KCNG3: variants seen among roughly 807,000 people sequenced by gnomAD.
KCNG3 encodes the protein potassium voltage-gated channel modifier subfamily G member 3, also known as voltage-gated potassium channel regulatory subunit KCNG3.
Under a neutral mutation model 29.0 loss-of-function variants are expected in KCNG3, and 15 were observed. That is an observed-to-expected ratio of 0.52 (90% CI 0.35 to 0.80). The LOEUF (loss-of-function observed/expected upper bound fraction) is 0.80. Among genes scored for constraint, KCNG3 ranks in the 30% least tolerant of loss-of-function variants. KCNG3 has a pLI of 0.01. For synonymous variants in KCNG3, 322 were observed against 248.9 expected, an observed-to-expected ratio of 1.29 and a Z score of -2.76; for missense variants, 512 against 605.7, an observed-to-expected ratio of 0.85 and a Z score of 1.62.
the KCNG3 span, among the ~76,000 whole-genome samples, chr2:42,425,398 CAAAAAAAAAAA>C: frequency 2.4e-5 from 2 of 82,360 alleles, 1 homozygote; most frequent in Non-Finnish European, 4.9e-5. Context: ...GACTCCGTCT[CAAAAAAAAAAA>C]AAAAAAAAAT....
chr2:42,459,691 T>C (rs1000149556), intron 1 of KCNG3, among the ~76,000 whole-genome samples: 3 of 152,070 alleles, frequency 2.0e-5, no homozygotes, highest in African/African-American at 7.2e-5. Context: ...TGTAAGATGT[T>C]ATCGGCCGGG....
At chr2:42,487,405 C>T (rs1349533962) in intron 1 of KCNG3, among the ~76,000 whole-genome samples, 3 of 137,386 alleles carry the variant, frequency 2.2e-5, no homozygotes, top group Non-Finnish European at 4.6e-5. Context: ...AATGCAGTGG[C>T]GTGAGCTCAG....
At chr2:42,440,988 C>A (rs1438500664), downstream of KCNG3, among the ~76,000 whole-genome samples, 1 of 152,050 alleles carries the variant, frequency 6.6e-6, no homozygotes, top group African/African-American at 2.4e-5. Flanking sequence ...GGTACCAATA[C>A]AGATATTAAT....
chr2:42,459,873 G>A (rs1672972074), intron 1 of KCNG3, among the ~76,000 whole-genome samples: 1 of 152,016 alleles, frequency 6.6e-6, no homozygotes, highest in Non-Finnish European at 1.5e-5. Context: ...CTACTCGGGA[G>A]GCTGAGGCAG....
the KCNG3 span, among the ~76,000 whole-genome samples, chr2:42,420,969 C>A: frequency 6.6e-6 from 1 of 152,148 alleles, no homozygotes; most frequent in South Asian, 2.1e-4. Flanking sequence ...CATTGCTCAA[C>A]TGTATGTTGT....
chr2:42,478,495 T>G (rs7609170), intron 1 of KCNG3, among the ~76,000 whole-genome samples: 127,760 of 151,954 alleles, frequency 0.84, 53,803 homozygotes, highest in Middle Eastern at 0.94. Flanking sequence ...CCTCCCAAAG[T>G]GCTAGGATTA....
At chr2:42,402,358 A>G in the KCNG3 span, among the ~76,000 whole-genome samples, 1 of 152,048 alleles carries the variant, frequency 6.6e-6, no homozygotes, top group Admixed American at 6.6e-5. Flanking sequence ...TTTTCTGGAG[A>G]ACTCTGAATA....
the KCNG3 span, among the ~76,000 whole-genome samples, chr2:42,409,829 A>G: frequency 1.3e-5 from 2 of 151,980 alleles, no homozygotes; most frequent in East Asian, 3.9e-4. Flanking sequence ...TTCCCCAATA[A>G]TACTTATTTG....
the KCNG3 span, among the ~76,000 whole-genome samples, chr2:42,392,655 A>C: frequency 2.6e-5 from 4 of 152,242 alleles, no homozygotes; most frequent in South Asian, 8.3e-4. Flanking sequence ...GACTAAAATT[A>C]GGGCTTTATA....
the KCNG3 span, among the ~76,000 whole-genome samples, chr2:42,412,481 A>G: frequency 2.0e-5 from 3 of 152,232 alleles, no homozygotes; most frequent in African/African-American, 7.2e-5. Context: ...AAAAACAGAC[A>G]TCGATTTTTT....
the KCNG3 span, among the ~76,000 whole-genome samples, chr2:42,419,538 C>T: frequency 6.6e-6 from 1 of 151,846 alleles, no homozygotes; most frequent in African/African-American, 2.4e-5. Flanking sequence ...CACCTGTAAT[C>T]CACCACGCCC....
downstream of KCNG3, among the ~76,000 whole-genome samples, chr2:42,441,046 A>G (rs1249694136): frequency 6.6e-6 from 1 of 152,150 alleles, no homozygotes; most frequent in African/African-American, 2.4e-5. Flanking sequence ...GATGTCTGTA[A>G]GTATAGCTAA....
intron 1 of KCNG3, among the ~76,000 whole-genome samples, chr2:42,450,121 T>C (rs533052882): frequency 6.6e-6 from 1 of 152,220 alleles, no homozygotes; most frequent in Admixed American, 6.5e-5. Flanking sequence ...ACCAGAACAT[T>C]TTCTGTCTAA....
intron 1 of KCNG3, among the ~76,000 whole-genome samples, chr2:42,480,593 A>G (rs1673556939): frequency 1.3e-5 from 2 of 152,124 alleles, no homozygotes; most frequent in Admixed American, 1.3e-4. Flanking sequence ...TGGACACTAA[A>G]ATGTGAATGT....
At chr2:42,487,156 C>CA (rs1194994891) in intron 1 of KCNG3, among the ~76,000 whole-genome samples, 22,297 of 67,734 alleles carry the variant, frequency 0.33, 2,746 homozygotes, top group South Asian at 0.37. Flanking sequence ...GACTCTGTCT[C>CA]AAAAAAAAAA....
intron 1 of KCNG3, among the ~76,000 whole-genome samples, chr2:42,484,418 T>G (rs920503083): frequency 2.6e-5 from 4 of 152,078 alleles, no homozygotes; most frequent in African/African-American, 7.2e-5. Context: ...GCCGAGATCG[T>G]GCCACTGCAC....
At chr2:42,401,404 G>A in the KCNG3 span, among the ~76,000 whole-genome samples, 1 of 150,206 alleles carries the variant, frequency 6.7e-6, no homozygotes, top group Admixed American at 6.6e-5. Flanking sequence ...TATAATAGAT[G>A]AATTATATAG....
intron 1 of KCNG3, among the ~76,000 whole-genome samples, chr2:42,451,273 T>C (rs886179082): frequency 6.7e-6 from 1 of 150,374 alleles, no homozygotes. Flanking sequence ...AGGGTTTACA[T>C]TAGAATAGCA....
chr2:42,394,335 AG>A, the KCNG3 span, among the ~76,000 whole-genome samples: 3 of 152,208 alleles, frequency 2.0e-5, no homozygotes, highest in African/African-American at 7.2e-5. Flanking sequence ...AAACAGCCTA[AG>A]GGTGGATATC....
Sources: allele counts gnomAD v4.1 joint callset (sites outside exome capture counted in the v4.1 genomes callset), GRCh38; gene constraint gnomAD v4.1.1; transcripts MANE v1.5; gene names NCBI Gene and HGNC (gene_info 2026-07-23, HGNC 2026-07-21).